The following NTRK2 variants were observed in gnomAD, a reference collection of about 807,000 sequenced individuals.
NTRK2 encodes the protein neurotrophic receptor tyrosine kinase 2.
In NTRK2, 13 loss-of-function variants were observed where a neutral mutation model predicts 94.5. The observed-to-expected ratio is 0.14, with a 90% confidence interval of 0.09 to 0.22. The LOEUF is 0.22. Among genes scored for constraint, NTRK2 ranks in the 10% least tolerant of loss-of-function variants. The pLI, the probability that NTRK2 is intolerant of heterozygous loss-of-function variation, is 1.00. For missense variants in NTRK2, 639 were observed against 1,071.2 expected (o/e 0.60, Z 5.63); for synonymous variants, 372 against 407.4 (o/e 0.91, Z 1.05).
chr9:84,703,350 A>G (rs1352959871), intron 4 of NTRK2, among the ~76,000 whole-genome samples: 1 of 152,216 alleles, frequency 6.6e-6, no homozygotes, highest in Non-Finnish European at 1.5e-5. Context: ...GATCTTTTTT[A>G]TGCACATTTC....
intron 12 of NTRK2, among the ~76,000 whole-genome samples, chr9:84,835,180 G>A (rs2073799587): frequency 6.6e-6 from 1 of 152,176 alleles, no homozygotes; most frequent in Middle Eastern, 3.2e-3. Context: ...ATCATTTCAA[G>A]TGTGGCTATC....
chr9:84,811,306 A>T (rs200565997), intron 12 of NTRK2: 21 of 1,066,170 alleles, frequency 2.0e-5, no homozygotes, highest in Non-Finnish European at 1.4e-5. Flanking sequence ...CAAACAAATG[A>T]AAAACGTTTA....
intron 12 of NTRK2, among the ~76,000 whole-genome samples, chr9:84,836,679 A>G (rs1162288309): frequency 6.8e-6 from 1 of 147,826 alleles, no homozygotes; most frequent in East Asian, 2.0e-4. Flanking sequence ...GGATTTGGAA[A>G]TTTTGGAAAT....
At chr9:84,889,221 A>C (rs899409053) in intron 14 of NTRK2, among the ~76,000 whole-genome samples, 1 of 150,352 alleles carries the variant, frequency 6.7e-6, no homozygotes, top group African/African-American at 2.4e-5. Flanking sequence ...CGATCTCCTG[A>C]CCTCGTGATC....
intron 12 of NTRK2, among the ~76,000 whole-genome samples, chr9:84,759,253 C>T (rs1390287518): frequency 1.3e-5 from 2 of 152,226 alleles, no homozygotes; most frequent in Admixed American, 1.3e-4. Context: ...TTTTTAAAGT[C>T]TCTTACTTCT....
intron 12 of NTRK2, among the ~76,000 whole-genome samples, chr9:84,774,378 C>G (rs1485221814): frequency 6.6e-6 from 1 of 152,188 alleles, no homozygotes; most frequent in Non-Finnish European, 1.5e-5. Context: ...GGAGAGGGGT[C>G]TCCATGTCTG....
intron 1 of NTRK2, 33 bp from the exon 2 acceptor site, chr9:84,670,344 C>T (rs1191307631): frequency 6.1e-6 from 2 of 329,974 alleles, no homozygotes; most frequent in Admixed American, 4.6e-5. Flanking sequence ...GGGGGTCCTA[C>T]GCTCAGTCTT....
At chr9:84,822,234 A>G (rs376193913) in intron 12 of NTRK2, among the ~76,000 whole-genome samples, 13 of 152,172 alleles carry the variant, frequency 8.5e-5, no homozygotes, top group African/African-American at 3.1e-4. Context: ...AGAAGTTGTC[A>G]CCTTCTTTTC....
intron 17 of NTRK2, among the ~76,000 whole-genome samples, chr9:85,007,446 G>A (rs1339110290): frequency 6.6e-6 from 1 of 152,148 alleles, no homozygotes; most frequent in African/African-American, 2.4e-5. Context: ...TTATCCTAAG[G>A]GCAATGGGAA....
chr9:84,714,432 G>A (rs903997240), intron 6 of NTRK2, among the ~76,000 whole-genome samples: 6 of 152,144 alleles, frequency 3.9e-5, no homozygotes, highest in South Asian at 2.1e-4. Flanking sequence ...CTCCATCAGC[G>A]ATGTGCCTTC....
At chr9:84,987,316 A>G (rs1332377489) in intron 17 of NTRK2, among the ~76,000 whole-genome samples, 1 of 152,172 alleles carries the variant, frequency 6.6e-6, no homozygotes, top group Non-Finnish European at 1.5e-5. Flanking sequence ...ATAGATTTTG[A>G]TATAGTTTTA....
intron 2 of NTRK2, among the ~76,000 whole-genome samples, chr9:84,672,603 G>C (rs1206929418): frequency 2.0e-5 from 3 of 152,120 alleles, no homozygotes; most frequent in African/African-American, 7.2e-5. Context: ...TGTGTGTGGT[G>C]GTGCTTTTAA....
chr9:84,984,471 CA>C (rs1268361149), intron 17 of NTRK2, among the ~76,000 whole-genome samples: 5 of 36,746 alleles, frequency 1.4e-4, no homozygotes, highest in African/African-American at 3.4e-4. Context: ...GACTATATCT[CA>C]AACAAACAAA....
chr9:85,004,047 G>GAAAGAAAGAAAAGAAA (rs1564542231), intron 17 of NTRK2, among the ~76,000 whole-genome samples: 106 of 39,408 alleles, frequency 2.7e-3, no homozygotes, highest in Middle Eastern at 0.037. Flanking sequence ...GAAAGAAAGG[G>GAAAGAAAGAAAAGAAA]AGAAAGAGAA....
At chr9:85,011,175 A>C (rs1831527686) in intron 17 of NTRK2, among the ~76,000 whole-genome samples, 2 of 152,128 alleles carry the variant, frequency 1.3e-5, no homozygotes, top group Non-Finnish European at 2.9e-5. Context: ...ATAATAGGGA[A>C]GCCACCAAGA....
At chr9:84,876,497 A>T in intron 14 of NTRK2, 1 of 1,055,524 alleles carries the variant, frequency 9.5e-7, no homozygotes, top group Non-Finnish European at 1.1e-6. Flanking sequence ...AGGAATAGAG[A>T]GGCACTAACT....
At chr9:84,683,768 C>G (rs1179047202) in intron 2 of NTRK2, among the ~76,000 whole-genome samples, 2 of 152,158 alleles carry the variant, frequency 1.3e-5, no homozygotes, top group Admixed American at 1.3e-4. Flanking sequence ...TCACCATGCT[C>G]TCTTCCACAA....
intron 14 of NTRK2, among the ~76,000 whole-genome samples, chr9:84,897,409 A>T (rs2076790525): frequency 6.6e-6 from 1 of 152,194 alleles, no homozygotes; most frequent in African/African-American, 2.4e-5. Flanking sequence ...TGTTGGAATT[A>T]CAGGCGTGAG....
At chr9:84,881,594 T>G (rs2076255938) in intron 14 of NTRK2, among the ~76,000 whole-genome samples, 1 of 152,220 alleles carries the variant, frequency 6.6e-6, no homozygotes, top group Admixed American at 6.5e-5. Flanking sequence ...GAATGGATGA[T>G]CTTATCTACT....
Sources: allele counts gnomAD v4.1 joint callset (sites outside exome capture counted in the v4.1 genomes callset), GRCh38; gene constraint gnomAD v4.1.1; transcripts MANE v1.5; gene names NCBI Gene and HGNC (gene_info 2026-07-23, HGNC 2026-07-21).